Variants in MEIOB observed in about 807,000 individuals in gnomAD.
The protein encoded by MEIOB is meiosis-specific with OB domain-containing protein.
In MEIOB, 50 loss-of-function variants were observed where a neutral mutation model predicts 53.1. The ratio of observed to expected loss-of-function variants is 0.94; its 90% CI spans 0.75 to 1.19. The LOEUF is 1.19. Ranked by LOEUF, MEIOB falls within the 50% of genes most tolerant of loss-of-function variation. The pLI is 0.00. For synonymous variants in MEIOB, 192 were observed against 182.5 expected, an observed-to-expected ratio of 1.05 and a Z score of -0.42; for missense variants, 551 against 550.8, an observed-to-expected ratio of 1.00 and a Z score of 0.00.
At chr16:1,845,878 C>A (rs1899016308) in intron 9 of MEIOB, among the ~76,000 whole-genome samples, 1 of 152,106 alleles carries the variant, frequency 6.6e-6, no homozygotes, top group African/African-American at 2.4e-5. Context: ...GTACCCCAGG[C>A]CCCCCTGAAT....
At chr16:1,866,102 C>T (rs453494) in intron 2 of MEIOB, among the ~76,000 whole-genome samples, 125,571 of 152,150 alleles carry the variant, frequency 0.83, 51,941 homozygotes, top group Middle Eastern at 0.9. Flanking sequence ...TTTCAATCAC[C>T]AGATGGAGCA....
chr16:1,841,743 T>G, intron 11 of MEIOB, 77 bp downstream of exon 11: 1 of 1,157,342 alleles, frequency 8.6e-7, no homozygotes, highest in Non-Finnish European at 1.2e-6. Flanking sequence ...AGCTTTAACT[T>G]TTAGAGAGCT....
At chr16:1,854,539 C>G (rs1899253853) in intron 6 of MEIOB, among the ~76,000 whole-genome samples, 1 of 152,210 alleles carries the variant, frequency 6.6e-6, no homozygotes, top group South Asian at 2.1e-4. Context: ...GTGTTTCCAG[C>G]ACCTTTGTAT....
At chr16:1,838,068 C>A in intron 12 of MEIOB, 198 bp from the exon 13 acceptor site, 2 of 1,020,574 alleles carry the variant, frequency 2.0e-6, no homozygotes, top group Non-Finnish European at 2.8e-6. Context: ...GCTATCACAG[C>A]TCACTGCAGC....
intron 3 of MEIOB, among the ~76,000 whole-genome samples, chr16:1,864,371 T>C (rs969964880): frequency 1.3e-4 from 20 of 151,964 alleles, no homozygotes; most frequent in African/African-American, 4.8e-4. Context: ...TAAGCATACT[T>C]CTTCCAAAAA....
intron 10 of MEIOB, among the ~76,000 whole-genome samples, chr16:1,842,300 T>A (rs1359227460): frequency 6.6e-6 from 1 of 151,808 alleles, no homozygotes; most frequent in Non-Finnish European, 1.5e-5. Context: ...TCTAAAGAAT[T>A]CTTAAATATC....
chr16:1,857,689 C>G, intron 6 of MEIOB, 46 bp downstream of exon 6: 3 of 1,465,304 alleles, frequency 2.0e-6, no homozygotes. Context: ...AGTGACTGCA[C>G]CTCCCCTGCC....
chr16:1,868,971 T>G (rs549507781), intron 1 of MEIOB, among the ~76,000 whole-genome samples: 1 of 152,138 alleles, frequency 6.6e-6, no homozygotes, highest in Non-Finnish European at 1.5e-5. Flanking sequence ...ATTAAACCTA[T>G]AAAAAACATG....
At chr16:1,842,623 C>CAAAAAAAAAAAAAAAAAAAAAAAAA (rs202147878) in intron 10 of MEIOB, among the ~76,000 whole-genome samples, 8 of 97,764 alleles carry the variant, frequency 8.2e-5, no homozygotes, top group Non-Finnish European at 1.0e-4. Flanking sequence ...AACTCCATCT[C>CAAAAAAAAAAAAAAAAAAAAAAAAA]AAAAAGACAG....
At chr16:1,837,959 T>A in intron 12 of MEIOB, 89 bp from the exon 13 acceptor site, 1 of 1,447,088 alleles carries the variant, frequency 6.9e-7, no homozygotes, top group Non-Finnish European at 9.2e-7. Context: ...ACTTTCTCAT[T>A]AGAAATGAAA....
chr16:1,843,906 C>T (rs906022801), intron 10 of MEIOB, among the ~76,000 whole-genome samples: 5 of 151,914 alleles, frequency 3.3e-5, no homozygotes, highest in African/African-American at 2.4e-5. Context: ...AGAACTTATC[C>T]GGTTCCTTCA....
Position 1,863,734 on chromosome 16 carries a change from A to T in MEIOB, c.128-1618T>A, listed in dbSNP as rs940869173. Reference sequence around the variant, plus strand: ...GAGTGAGACCCTGTCTCAAAAAAAAAAAAAATAAATTTTAAAAATAATTAA... The same window carrying T: ...GAGTGAGACCCTGTCTCAAAAAAAATAAAAATAAATTTTAAAAATAATTAA... On this transcript the variant is annotated intron_variant, in intron 3 of 13. Transcript: ENST00000325962. Among the ~76,000 whole-genome samples, 76 of 149,086 alleles carry T rather than the reference A, an allele frequency of 5.1e-4. No homozygotes were observed. The South Asian group carries it at 9.4e-3, about 18-fold the overall frequency.
intron 13 of MEIOB, among the ~76,000 whole-genome samples, chr16:1,835,382 A>G (rs937164557): frequency 2.2e-4 from 33 of 152,206 alleles, no homozygotes; most frequent in African/African-American, 7.2e-4. Flanking sequence ...ATATGATGAC[A>G]TAATTTAATA....
intron 1 of MEIOB, among the ~76,000 whole-genome samples, chr16:1,870,783 A>T (rs1042585534): frequency 6.6e-6 from 1 of 152,212 alleles, no homozygotes; most frequent in Non-Finnish European, 1.5e-5. Context: ...GATGTGGCTC[A>T]CAATGCAGTG....
At chr16:1,839,004 GTTTA>G (rs1255811637) in intron 12 of MEIOB, among the ~76,000 whole-genome samples, 2 of 152,106 alleles carry the variant, frequency 1.3e-5, no homozygotes, top group Non-Finnish European at 2.9e-5. Flanking sequence ...AAAACATCAT[GTTTA>G]TTTATCCATT....
chr16:1,861,954 G>A (rs1452334233), intron 4 of MEIOB, 31 bp downstream of exon 4: 1 of 1,543,150 alleles, frequency 6.5e-7, no homozygotes, highest in Non-Finnish European at 8.8e-7. Context: ...ACACTATGAT[G>A]GAAAAAGTTT....
chr16:1,858,372 G>A (rs1899360410), intron 5 of MEIOB, among the ~76,000 whole-genome samples: 2 of 152,104 alleles, frequency 1.3e-5, no homozygotes, highest in African/African-American at 2.4e-5. Context: ...CAGAACACTG[G>A]CACAGTGAGC....
intron 9 of MEIOB, among the ~76,000 whole-genome samples, chr16:1,850,942 T>A (rs1042340636): frequency 4.0e-5 from 6 of 151,778 alleles, no homozygotes; most frequent in African/African-American, 1.5e-4. Context: ...TAAATAAAAT[T>A]AAATTAAAAT....
intron 1 of MEIOB, among the ~76,000 whole-genome samples, chr16:1,870,739 T>C (rs2917523): frequency 0.83 from 125,504 of 152,084 alleles, 51,913 homozygotes; most frequent in Middle Eastern, 0.9. Context: ...AATTAAGCTG[T>C]GTCAAGTTTT....
Sources: allele counts gnomAD v4.1 joint callset (sites outside exome capture counted in the v4.1 genomes callset), GRCh38; gene constraint gnomAD v4.1.1; transcripts MANE v1.5; gene names NCBI Gene and HGNC (gene_info 2026-07-23, HGNC 2026-07-21).